CPED1: variants seen among roughly 807,000 people sequenced by gnomAD.
CPED1 encodes the protein cadherin-like and PC-esterase domain-containing protein 1.
CPED1 carries 114 observed loss-of-function variants against 128.2 expected under a neutral mutation model. The ratio of observed to expected loss-of-function variants is 0.89; its 90% CI spans 0.76 to 1.04. The LOEUF (loss-of-function observed/expected upper bound fraction) is 1.04. CPED1 is among the 50% of genes least tolerant of loss of function. CPED1 has a pLI of 0.00. For missense variants in CPED1, 1,211 were observed against 1,207.1 expected, an observed-to-expected ratio of 1.00 and a Z score of -0.05; for synonymous variants, 462 against 426.7, an observed-to-expected ratio of 1.08 and a Z score of -1.02.
intron 18 of CPED1, among the ~76,000 whole-genome samples, chr7:121,263,731 T>C (rs1442033521): frequency 6.6e-6 from 1 of 152,062 alleles, no homozygotes; most frequent in Non-Finnish European, 1.5e-5. Context: ...TTCTCAACCT[T>C]TGTATTGTTC....
chr7:121,124,659 C>T (rs778378396), intron 8 of CPED1, among the ~76,000 whole-genome samples, 186 bp downstream of exon 8: 5 of 151,972 alleles, frequency 3.3e-5, no homozygotes, highest in East Asian at 1.9e-4. Context: ...AACTTTAGAA[C>T]GTGTGGCAGA....
chr7:121,215,566 C>T (rs1797741448), intron 16 of CPED1, among the ~76,000 whole-genome samples: 1 of 151,974 alleles, frequency 6.6e-6, no homozygotes, highest in Non-Finnish European at 1.5e-5. Context: ...CAAAGATAAA[C>T]TTTGGTTGTT....
intron 21 of CPED1, among the ~76,000 whole-genome samples, chr7:121,268,635 C>T (rs892173901): frequency 2.5e-5 from 3 of 121,100 alleles, no homozygotes; most frequent in African/African-American, 4.5e-5. Flanking sequence ...TGCATGTGCA[C>T]ACAAGTGTGT....
chr7:121,111,267 C>T (rs149425131), intron 7 of CPED1, among the ~76,000 whole-genome samples: 2 of 152,330 alleles, frequency 1.3e-5, no homozygotes, highest in African/African-American at 2.4e-5. Context: ...TTTCCATTCA[C>T]TTCCTCTCTC....
chr7:121,293,852 T>A (rs1792764902), intron 22 of CPED1, among the ~76,000 whole-genome samples: 1 of 151,870 alleles, frequency 6.6e-6, no homozygotes, highest in Non-Finnish European at 1.5e-5. Flanking sequence ...GTCTAACCAG[T>A]CCCAGTGAGA....
chr7:121,143,780 G>A (rs1192934262), intron 16 of CPED1, among the ~76,000 whole-genome samples: 1 of 151,884 alleles, frequency 6.6e-6, no homozygotes, highest in Admixed American at 6.6e-5. Flanking sequence ...AGCTAAATAT[G>A]TATAAATGAT....
intron 4 of CPED1, among the ~76,000 whole-genome samples, chr7:121,049,186 G>GT (rs1793286583): frequency 6.6e-6 from 1 of 152,100 alleles, no homozygotes; most frequent in Admixed American, 6.5e-5. Context: ...ATTTACAGAG[G>GT]TTTTGGCAGG....
intron 3 of CPED1, among the ~76,000 whole-genome samples, chr7:121,044,843 G>C (rs545197162): frequency 2.0e-5 from 3 of 151,762 alleles, no homozygotes; most frequent in African/African-American, 7.3e-5. Flanking sequence ...AGAAGGGTAC[G>C]CTTTAGACGT....
rs975673276 is a variant in CPED1 at position 121,296,834 on chromosome 7, G to T, written c.*1182G>T. 2 of 152,240 alleles carry T rather than the reference G, an allele frequency of 1.3e-5. No individual in the cohort carries two copies. The highest frequency in any genetic ancestry group is 2.4e-5 in the African/African-American group (1 of 41,352). 9.4% of individuals were successfully genotyped at this position (152,240 alleles called of 1,614,324 possible). A position where few individuals can be genotyped will look rare whatever the true frequency, so the allele number is the denominator to read the frequency against. On this transcript the variant is annotated 3_prime_UTR_variant, in exon 23 of 23. Coordinates refer to ENST00000310396, the MANE Select transcript of CPED1 (RefSeq NM_024913.5). ...CACACTGTTACAATGGATTTTAGAG[G>T]TTTGTCTTTTTTGGGTGGGGTGGGA...
intron 18 of CPED1, among the ~76,000 whole-genome samples, chr7:121,245,025 C>G (rs189197861): frequency 1.3e-5 from 2 of 152,166 alleles, no homozygotes; most frequent in Admixed American, 1.3e-4. Flanking sequence ...TAATCCTTAA[C>G]CCAATTTTCA....
intron 5 of CPED1, among the ~76,000 whole-genome samples, chr7:121,093,397 T>TAC (rs10526224): frequency 0.028 from 4,086 of 145,528 alleles, 80 homozygotes; most frequent in Middle Eastern, 0.069. Context: ...CCTTTTTCTG[T>TAC]ACACACACAC....
chr7:121,076,891 G>T (rs183103788), intron 5 of CPED1, among the ~76,000 whole-genome samples: 59 of 152,150 alleles, frequency 3.9e-4, no homozygotes, highest in African/African-American at 1.1e-3. Context: ...GATCTAGATT[G>T]CAGTGGATAT....
In CPED1 at chr7:121,266,465, T is replaced by C. The variant is rs1264704952; in HGVS notation, c.2531+18T>C. ...TTGCAAAGGTACAATGAAACTATAA[T>C]GAAAGACACAAAACCCACAAAGTAC... On this transcript the variant is annotated intron_variant, in intron 19 of 22. Coordinates refer to ENST00000310396, the MANE Select transcript of CPED1 (RefSeq NM_024913.5). 3 of 1,590,656 alleles carry C rather than the reference T, an allele frequency of 1.9e-6. No individual in the cohort carries two copies. Among genetic ancestry groups the C allele is most frequent in the Non-Finnish European group, 2.6e-6 (3 of 1,159,314 alleles).
intron 2 of CPED1, among the ~76,000 whole-genome samples, chr7:121,001,308 C>T (rs541620391): frequency 1.3e-5 from 2 of 152,230 alleles, no homozygotes; most frequent in East Asian, 1.9e-4. Flanking sequence ...ATTTATTAAA[C>T]ATAAATTATT....
intron 5 of CPED1, among the ~76,000 whole-genome samples, chr7:121,087,984 A>G (rs1478600034): frequency 6.6e-6 from 1 of 152,144 alleles, no homozygotes; most frequent in Non-Finnish European, 1.5e-5. Context: ...TTTTAAAGCT[A>G]GGACTATACT....
At chr7:121,202,357 G>A (rs529094474) in intron 16 of CPED1, among the ~76,000 whole-genome samples, 1 of 152,222 alleles carries the variant, frequency 6.6e-6, no homozygotes, top group Admixed American at 6.5e-5. Context: ...AGGAGGAAGT[G>A]GAGAGGATAT....
At chr7:121,035,100 C>A (rs1029017915) in intron 3 of CPED1, among the ~76,000 whole-genome samples, 1 of 151,660 alleles carries the variant, frequency 6.6e-6, no homozygotes, top group Non-Finnish European at 1.5e-5. Flanking sequence ...TTTCAGGGAC[C>A]AAAAAAAGGC....
At chr7:121,018,966 G>A (rs2116823410) in intron 3 of CPED1, among the ~76,000 whole-genome samples, 1 of 151,978 alleles carries the variant, frequency 6.6e-6, no homozygotes, top group East Asian at 1.9e-4. Flanking sequence ...AACCTTTTGA[G>A]TAACATAATA....
chr7:121,071,631 T>A (rs1236998641), intron 5 of CPED1, among the ~76,000 whole-genome samples: 1 of 152,032 alleles, frequency 6.6e-6, no homozygotes, highest in Non-Finnish European at 1.5e-5. Flanking sequence ...TCCTTCTGCC[T>A]CCACCTCCCA....
Sources: gnomAD v4.1 joint callset for allele counts (sites outside exome capture counted in the v4.1 genomes callset) on GRCh38, gnomAD v4.1.1 for gene constraint, MANE v1.5 for transcripts, NCBI Gene and HGNC (gene_info 2026-07-23, HGNC 2026-07-21) for gene names.